NAMPT: variants seen among roughly 807,000 people sequenced by gnomAD.
The protein encoded by NAMPT is nicotinamide phosphoribosyltransferase.
A neutral mutation model predicts 58.7 loss-of-function variants in NAMPT; 7 were observed. The ratio of observed to expected loss-of-function variants is 0.12; its 90% CI spans 0.07 to 0.22. The LOEUF is 0.22. NAMPT is among the 10% of genes least tolerant of loss of function. NAMPT has a pLI of 1.00. For synonymous variants in NAMPT, 145 were observed against 198.1 expected (o/e 0.73, Z 2.25); for missense variants, 271 against 567.9 (o/e 0.48, Z 5.31).
intron 1 of NAMPT, among the ~76,000 whole-genome samples, chr7:106,277,461 CAGT>C (rs1046826979): frequency 2.0e-5 from 3 of 152,152 alleles, no homozygotes; most frequent in Non-Finnish European, 4.4e-5. Context: ...TTTTGGGGAA[CAGT>C]CCTTCATCCA....
Position 106,269,097 on chromosome 7 carries a change from T to G in NAMPT, c.606+57A>C, listed in dbSNP as rs1792481380. On this transcript the variant is annotated intron_variant, in intron 5 of 10. Coordinates refer to ENST00000222553, the MANE Select transcript of NAMPT (RefSeq NM_005746.3). Reference sequence around the variant, plus strand: ...CAATAACGTCCCCAAAAGTTTACAGTGGTACTCTAACCAACAATCCACATT... The same window carrying G: ...CAATAACGTCCCCAAAAGTTTACAGGGGTACTCTAACCAACAATCCACATT... 4 of 1,502,342 alleles carry G rather than the reference T, an allele frequency of 2.7e-6. No homozygotes were observed. In the South Asian group the frequency reaches 5.1e-5, roughly 19 times the overall value. The allele number at this position is 1,502,342 out of a possible 1,614,324, so 93.1% of individuals were successfully genotyped here. A position where few individuals can be genotyped will look rare whatever the true frequency, so the allele number is the denominator to read the frequency against.
chr7:106,269,643 C>G (rs1792494397), intron 4 of NAMPT, among the ~76,000 whole-genome samples: 1 of 152,156 alleles, frequency 6.6e-6, no homozygotes, highest in South Asian at 2.1e-4. Context: ...GTTTCATGAT[C>G]TGTCATGGAT....
At chr7:106,276,433 A>G (rs1391539164) in intron 2 of NAMPT, 2 of 152,294 alleles carry the variant, frequency 1.3e-5, no homozygotes, top group African/African-American at 4.8e-5. Context: ...GATTGCTACC[A>G]TAATTCAAAA....
At chr7:106,285,663 C>T (rs190893183), upstream of NAMPT, 634 of 911,180 alleles carry the variant, frequency 7.0e-4, 4 homozygotes, top group African/African-American at 0.011. Flanking sequence ...CTGAGGGGCC[C>T]CTTTCATCTG....
Position 106,249,924 on chromosome 7 carries a change from G to C in NAMPT, c.*1159C>G, listed in dbSNP as rs1389068328. On this transcript the variant is annotated 3_prime_UTR_variant, in exon 11 of 11. Transcript: ENST00000222553. ...AGCACTTTGAATTTAGCCAACTTAA[G>C]ATTCTTCTATTGAAACACATGTCAT... The C allele has an allele frequency of 6.6e-6, 1 of 151,950 alleles. No individual in the cohort carries two copies. Among genetic ancestry groups the C allele is most frequent in the Non-Finnish European group, 1.5e-5 (1 of 67,932 alleles). 9.4% of individuals were successfully genotyped at this position (151,950 alleles called of 1,614,324 possible). A position where few individuals can be genotyped will look rare whatever the true frequency, so the allele number is the denominator to read the frequency against.
chr7:106,251,845 T>A (rs1792109587), intron 10 of NAMPT, among the ~76,000 whole-genome samples: 1 of 152,066 alleles, frequency 6.6e-6, no homozygotes, highest in Non-Finnish European at 1.5e-5. Context: ...GAAATTAAAT[T>A]CCCTTTGGGT....
Position 106,249,485 on chromosome 7 carries a change from G to A in NAMPT, c.*1598C>T, listed in dbSNP as rs1792072326. ...TATCGGATTCTTAAGTGAGAAAAAAGAAGACAAAAGAGGAAAATTCCGTAT... is the reference window on the plus strand; with the variant it reads ...TATCGGATTCTTAAGTGAGAAAAAAAAAGACAAAAGAGGAAAATTCCGTAT... On this transcript the variant is annotated 3_prime_UTR_variant, in exon 11 of 11. Coordinates refer to ENST00000222553, the MANE Select transcript of NAMPT (RefSeq NM_005746.3). 1.3e-5 allele frequency: 2 copies of A among 152,322 alleles called. No homozygotes were observed. The highest frequency in any genetic ancestry group is 6.6e-5 in the Admixed American group (1 of 15,230). 9.4% of individuals were successfully genotyped at this position (152,322 alleles called of 1,614,324 possible). A position where few individuals can be genotyped will look rare whatever the true frequency, so the allele number is the denominator to read the frequency against.
chr7:106,261,771 C>A, intron 7 of NAMPT, 64 bp from the exon 8 acceptor site: 1 of 1,491,774 alleles, frequency 6.7e-7, no homozygotes, highest in South Asian at 1.2e-5. Flanking sequence ...AAGAGCTTTT[C>A]AAAGTTAAAT....
intron 4 of NAMPT, chr7:106,272,084 G>T (rs1399292243): frequency 1.0e-5 from 4 of 381,646 alleles, no homozygotes; most frequent in Non-Finnish European, 2.1e-5. Flanking sequence ...AAAAGTAACA[G>T]ATGGTAGATC....
In NAMPT at chr7:106,266,771, T is replaced by C. The variant is rs558685764; in HGVS notation, c.743+1693A>G. 5.9e-5 allele frequency among the ~76,000 whole-genome samples: 9 copies of C among 152,352 alleles called. No individual in the cohort carries two copies. The South Asian group carries it at 1.4e-3, about 25-fold the overall frequency. On this transcript the variant is annotated intron_variant, in intron 6 of 10. Coordinates refer to ENST00000222553, the MANE Select transcript of NAMPT (RefSeq NM_005746.3). ...TCAATCCATAGGATAGATATCCTGCTATAAAAATATAAAAAAGTCCCCTAA... is the reference window on the plus strand; with the variant it reads ...TCAATCCATAGGATAGATATCCTGCCATAAAAATATAAAAAAGTCCCCTAA...
At chr7:106,280,710 G>A (rs1438936466) in intron 1 of NAMPT, among the ~76,000 whole-genome samples, 1 of 152,172 alleles carries the variant, frequency 6.6e-6, no homozygotes, top group East Asian at 1.9e-4. Flanking sequence ...GGGAGGCCAA[G>A]ACGGGTGGAT....
At chr7:106,265,032 T>C (rs1397477085) in intron 6 of NAMPT, among the ~76,000 whole-genome samples, 1 of 152,150 alleles carries the variant, frequency 6.6e-6, no homozygotes, top group East Asian at 1.9e-4. Flanking sequence ...AACTCATTAG[T>C]GAACACTCTT....
At chr7:106,252,977 C>A in intron 10 of NAMPT, 40 bp downstream of exon 10, 2 of 1,596,660 alleles carry the variant, frequency 1.3e-6, no homozygotes, top group East Asian at 4.5e-5. Context: ...GTGAGCCAAC[C>A]TACTATTGCT....
At chr7:106,285,528 C>T (rs1792863125), upstream of NAMPT, 4 of 985,962 alleles carry the variant, frequency 4.1e-6, no homozygotes, top group Admixed American at 6.1e-5. Flanking sequence ...GTCCACCACG[C>T]GCAGTTACTC....
chr7:106,285,018 G>C (rs1336274153), upstream of NAMPT: 2 of 1,437,330 alleles, frequency 1.4e-6, no homozygotes, highest in Admixed American at 4.2e-5. Flanking sequence ...AGGGGGAAAC[G>C]GAGAGAGGGG....
intron 1 of NAMPT, among the ~76,000 whole-genome samples, chr7:106,278,753 T>C (rs893515556): frequency 6.6e-6 from 1 of 152,140 alleles, no homozygotes; most frequent in Non-Finnish European, 1.5e-5. Context: ...AATGAAAATG[T>C]CCAGTTTACA....
chr7:106,264,187 T>C (rs1049389464), intron 6 of NAMPT, among the ~76,000 whole-genome samples: 32 of 152,082 alleles, frequency 2.1e-4, no homozygotes, highest in African/African-American at 7.5e-4. Flanking sequence ...AAGTGGCTAG[T>C]AATAGGAAGT....
chr7:106,268,689 T>C (rs956894404), intron 5 of NAMPT, 89 bp from the exon 6 acceptor site: 1 of 880,470 alleles, frequency 1.1e-6, no homozygotes, highest in Non-Finnish European at 1.9e-6. Context: ...TTAAGGAATA[T>C]AGCATAGCTC....
chr7:106,284,865 G>A lies in NAMPT; in HGVS notation c.20C>T (p.Ala7Val), dbSNP rs893602537. The change falls in exon 1 of 11, where the codon GCC becomes GTC. Residue 7 changes from alanine (A) to valine (V), a missense_variant. Physicochemically the swap from Ala to Val is moderately conservative, Grantham distance 64 (BLOSUM62 0). This residue lies in a region of NAMPT where 23 missense variants were observed against 16.4 expected (regional missense o/e 1.40). Transcript: ENST00000222553. The part of the protein sequence containing the change: MNPAAE[A>V]EFNILLATDS... ...GGTGGCCAGGAGGATGTTGAACTCG[G>A]CTTCTGCCGCAGGATTCATCTCGGG... 5.7e-6 allele frequency: 9 copies of A among 1,581,714 alleles called. No homozygotes were observed. Among genetic ancestry groups the A allele is most frequent in the Admixed American group, 1.8e-5 (1 of 55,794 alleles).
Sources: allele counts gnomAD v4.1 joint callset (sites outside exome capture counted in the v4.1 genomes callset), GRCh38; gene constraint gnomAD v4.1.1; regional missense constraint gnomAD v4.1.1; transcripts MANE v1.5; gene names NCBI Gene and HGNC (gene_info 2026-07-23, HGNC 2026-07-21).